MLLT3: variants seen among roughly 807,000 people sequenced by gnomAD.
The protein encoded by MLLT3 is MLLT3 super elongation complex subunit.
In MLLT3, 4 loss-of-function variants were observed where a neutral mutation model predicts 53.2. The ratio of observed to expected loss-of-function variants is 0.08; its 90% CI spans 0.04 to 0.17. The LOEUF (loss-of-function observed/expected upper bound fraction) is 0.17. Ranked by LOEUF, MLLT3 falls within the 10% of genes least tolerant of loss-of-function variation. MLLT3 has a pLI of 1.00. For synonymous variants in MLLT3, 283 were observed against 230.6 expected, an observed-to-expected ratio of 1.23 and a Z score of -2.06; for missense variants, 569 against 684.0, an observed-to-expected ratio of 0.83 and a Z score of 1.87.
chr9:20,601,061 A>T (rs1820409251), intron 2 of MLLT3, among the ~76,000 whole-genome samples: 1 of 152,184 alleles, frequency 6.6e-6, no homozygotes, highest in African/African-American at 2.4e-5. Flanking sequence ...TTGCCCCCAG[A>T]CTCAGATTGC....
chr9:20,512,088 A>G (rs866192568), intron 2 of MLLT3, among the ~76,000 whole-genome samples: 2 of 152,200 alleles, frequency 1.3e-5, no homozygotes, highest in South Asian at 4.1e-4. Flanking sequence ...CACTTAACCT[A>G]GCACTACAAG....
chr9:20,544,653 G>T (rs1449179193), intron 2 of MLLT3, among the ~76,000 whole-genome samples: 6 of 152,210 alleles, frequency 3.9e-5, no homozygotes, highest in Non-Finnish European at 5.9e-5. Flanking sequence ...AAATGGTAGA[G>T]CTGCTATGGA....
intron 2 of MLLT3, among the ~76,000 whole-genome samples, chr9:20,561,154 C>T (rs1819199993): frequency 6.6e-6 from 1 of 152,080 alleles, no homozygotes; most frequent in Non-Finnish European, 1.5e-5. Flanking sequence ...CGTGTGTGCA[C>T]AAGCACATGC....
In MLLT3 at chr9:20,343,510, G is replaced by A. The variant is rs929174858; in HGVS notation, c.*2933C>T. ...TGTTGCTAACATGACTGTTACATCCGAAGACAGAAGGAACCCCAAACCCAC... is the reference window on the plus strand; with the variant it reads ...TGTTGCTAACATGACTGTTACATCCAAAGACAGAAGGAACCCCAAACCCAC... On this transcript the variant is annotated 3_prime_UTR_variant, in exon 11 of 11. Transcript: ENST00000380338. 1.3e-5 allele frequency: 3 copies of A among 228,012 alleles called. No individual in the cohort carries two copies. Among genetic ancestry groups the A allele is most frequent in the Middle Eastern group, 1.3e-3 (1 of 776 alleles). The allele number at this position is 228,012 out of a possible 1,614,324, so 14.1% of individuals were successfully genotyped here. A position where few individuals can be genotyped will look rare whatever the true frequency, so the allele number is the denominator to read the frequency against.
At chr9:20,419,834 T>A (rs1822962557) in intron 4 of MLLT3, among the ~76,000 whole-genome samples, 2 of 152,152 alleles carry the variant, frequency 1.3e-5, no homozygotes, top group South Asian at 4.1e-4. Context: ...AGAAACGTTT[T>A]ATGTGTGGGA....
At position 20,611,207 on chromosome 9, in the gene MLLT3, G is replaced by C. The variant is rs139587124; in HGVS notation, c.193+9447C>G. Among the ~76,000 whole-genome samples, 339 of 152,170 alleles carry C rather than the reference G, an allele frequency of 2.2e-3. 1 individual carries two copies. The East Asian group carries it at 0.024, about 11-fold the overall frequency. On this transcript the variant is annotated intron_variant, in intron 2 of 10. Transcript: ENST00000380338. ...AATGAATAGATACCTGGAATAATCAGACAGTATTCTATCCCCAGTACCATC... is the reference window on the plus strand; with the variant it reads ...AATGAATAGATACCTGGAATAATCACACAGTATTCTATCCCCAGTACCATC...
chr9:20,539,270 T>C (rs1399523528), intron 2 of MLLT3, among the ~76,000 whole-genome samples: 1 of 152,246 alleles, frequency 6.6e-6, no homozygotes, highest in Non-Finnish European at 1.5e-5. Flanking sequence ...GCCACTGCTT[T>C]ATCAACTAAG....
chr9:20,387,927 C>T (rs1000951948), intron 5 of MLLT3, among the ~76,000 whole-genome samples: 3 of 152,162 alleles, frequency 2.0e-5, no homozygotes, highest in Middle Eastern at 3.2e-3. Context: ...AACAGAAATA[C>T]AGGCAGGACT....
At chr9:20,432,197 T>G (rs972710959) in intron 4 of MLLT3, among the ~76,000 whole-genome samples, 7 of 152,312 alleles carry the variant, frequency 4.6e-5, no homozygotes, top group African/African-American at 1.7e-4. Context: ...TCATTTAATC[T>G]TCTTAAAGAG....
At chr9:20,607,733 A>G (rs1321614548) in intron 2 of MLLT3, among the ~76,000 whole-genome samples, 1 of 152,048 alleles carries the variant, frequency 6.6e-6, no homozygotes, top group Non-Finnish European at 1.5e-5. Context: ...GTACACTTTT[A>G]AAGTTTAATG....
At chr9:20,412,432 A>G (rs960732423) in intron 5 of MLLT3, among the ~76,000 whole-genome samples, 4 of 152,192 alleles carry the variant, frequency 2.6e-5, no homozygotes, top group African/African-American at 9.7e-5. Context: ...TCCTAATCTG[A>G]TCTTCTACCA....
At chr9:20,454,512 T>G (rs1230466456) in intron 3 of MLLT3, among the ~76,000 whole-genome samples, 1 of 152,236 alleles carries the variant, frequency 6.6e-6, no homozygotes, top group African/African-American at 2.4e-5. Flanking sequence ...GTCAATGCAA[T>G]GTCAAACTAA....
At chr9:20,462,969 A>T (rs1220090162) in intron 2 of MLLT3, among the ~76,000 whole-genome samples, 1 of 152,180 alleles carries the variant, frequency 6.6e-6, no homozygotes, top group Admixed American at 6.5e-5. Flanking sequence ...GTATAAGCAG[A>T]AACACTGAAA....
intron 2 of MLLT3, among the ~76,000 whole-genome samples, chr9:20,478,883 T>G (rs2118901434): frequency 6.6e-6 from 1 of 152,126 alleles, no homozygotes; most frequent in South Asian, 2.1e-4. Context: ...AGAGGTGAAG[T>G]TCCATCTCCA....
intron 2 of MLLT3, among the ~76,000 whole-genome samples, chr9:20,529,654 A>C (rs541983732): frequency 1.3e-5 from 2 of 152,228 alleles, no homozygotes; most frequent in South Asian, 4.2e-4. Context: ...TTTATATCAA[A>C]GACCACTACA....
intron 2 of MLLT3, among the ~76,000 whole-genome samples, chr9:20,482,121 A>G (rs1265364619): frequency 2.0e-5 from 3 of 152,236 alleles, no homozygotes; most frequent in Non-Finnish European, 4.4e-5. Context: ...GTATTTCCCT[A>G]TATTAGTCAC....
chr9:20,590,354 A>T (rs1352654395), intron 2 of MLLT3, among the ~76,000 whole-genome samples: 1 of 152,058 alleles, frequency 6.6e-6, no homozygotes, highest in Admixed American at 6.5e-5. Flanking sequence ...TGTGTCCCCT[A>T]TGTCATCTTG....
intron 2 of MLLT3, among the ~76,000 whole-genome samples, chr9:20,565,952 A>T (rs28456982): frequency 0.081 from 660 of 8,182 alleles, 2 homozygotes; most frequent in South Asian, 0.25. Flanking sequence ...ATATATATAT[A>T]TTTATATATA....
chr9:20,599,363 T>G (rs1475741446), intron 2 of MLLT3, among the ~76,000 whole-genome samples: 3 of 148,858 alleles, frequency 2.0e-5, no homozygotes, highest in Non-Finnish European at 3.0e-5. Context: ...CTAATATTTA[T>G]AAATACAATC....
Sources: allele counts gnomAD v4.1 joint callset (sites outside exome capture counted in the v4.1 genomes callset), GRCh38; gene constraint gnomAD v4.1.1; transcripts MANE v1.5; gene names NCBI Gene and HGNC (gene_info 2026-07-23, HGNC 2026-07-21).